GPC5: variants seen among roughly 807,000 people sequenced by gnomAD.
GPC5 encodes glypican-5.
GPC5 carries 47 observed loss-of-function variants against 53.9 expected under a neutral mutation model. That is an observed-to-expected ratio of 0.87 (90% confidence interval 0.69 to 1.11). The LOEUF is 1.11. Ranked by LOEUF, GPC5 falls within the 50% of genes most tolerant of loss-of-function variation. The pLI, the probability that GPC5 is intolerant of heterozygous loss-of-function variation, is 0.00. For missense variants in GPC5, 748 were observed against 713.1 expected (o/e 1.05, Z -0.56); for synonymous variants, 286 against 263.3 (o/e 1.09, Z -0.84).
chr13:91,583,243 A>G (rs1398788302), intron 2 of GPC5, among the ~76,000 whole-genome samples: 1 of 152,172 alleles, frequency 6.6e-6, no homozygotes, highest in African/African-American at 2.4e-5. Flanking sequence ...AATAAAAGGA[A>G]TATAGTTGGA....
At chr13:91,450,556 G>A (rs567084998) in intron 2 of GPC5, among the ~76,000 whole-genome samples, 113 of 152,220 alleles carry the variant, frequency 7.4e-4, no homozygotes, top group African/African-American at 2.6e-3. Flanking sequence ...GATGGATTGA[G>A]GCTGGTGAAA....
chr13:91,516,678 C>T (rs1032143541), intron 2 of GPC5, among the ~76,000 whole-genome samples: 1 of 152,222 alleles, frequency 6.6e-6, no homozygotes, highest in African/African-American at 2.4e-5. Flanking sequence ...CCAACAGGGA[C>T]TCTGTGTGGG....
At chr13:92,312,599 A>G (rs2043152415) in intron 7 of GPC5, among the ~76,000 whole-genome samples, 1 of 152,074 alleles carries the variant, frequency 6.6e-6, no homozygotes, top group Non-Finnish European at 1.5e-5. Flanking sequence ...TAATAGTTGA[A>G]TGAAATCCAT....
chr13:92,602,249 T>C (rs1451339028), intron 7 of GPC5, among the ~76,000 whole-genome samples: 3 of 141,044 alleles, frequency 2.1e-5, no homozygotes, highest in Admixed American at 7.3e-5. Flanking sequence ...TATATATATA[T>C]ATATATATAT....
intron 7 of GPC5, among the ~76,000 whole-genome samples, chr13:92,629,402 T>A (rs1407363478): frequency 1.3e-5 from 2 of 152,290 alleles, no homozygotes; most frequent in East Asian, 3.9e-4. Context: ...TTGTCATCTC[T>A]GTCTGTATTG....
intron 7 of GPC5, among the ~76,000 whole-genome samples, chr13:92,410,902 A>C (rs1876012130): frequency 6.6e-6 from 1 of 152,240 alleles, no homozygotes; most frequent in African/African-American, 2.4e-5. Flanking sequence ...GAAAAGCTAC[A>C]ATTCTGACAG....
At chr13:92,098,037 A>G (rs1321463769) in intron 6 of GPC5, among the ~76,000 whole-genome samples, 1 of 151,978 alleles carries the variant, frequency 6.6e-6, no homozygotes, top group Non-Finnish European at 1.5e-5. Flanking sequence ...AGGTTCAGGG[A>G]TACATGTGCA....
At chr13:92,403,703 C>T (rs919766219) in intron 7 of GPC5, among the ~76,000 whole-genome samples, 1 of 152,122 alleles carries the variant, frequency 6.6e-6, no homozygotes, top group Non-Finnish European at 1.5e-5. Context: ...TATGGTTACA[C>T]GATAATTATT....
chr13:92,325,129 C>T (rs1594101439), intron 7 of GPC5, among the ~76,000 whole-genome samples: 1 of 150,910 alleles, frequency 6.6e-6, no homozygotes, highest in East Asian at 1.9e-4. Flanking sequence ...CACACACACA[C>T]ACGTAGGTAT....
intron 7 of GPC5, among the ~76,000 whole-genome samples, chr13:92,513,544 C>CCCTTTCCTTT (rs71737823): frequency 6.7e-6 from 1 of 148,606 alleles, no homozygotes; most frequent in African/African-American, 2.5e-5. Context: ...CCCTTTCTCT[C>CCCTTTCCTTT]CCTTTCCTTT....
chr13:91,468,867 T>C (rs565614004), intron 2 of GPC5, among the ~76,000 whole-genome samples: 1 of 142,354 alleles, frequency 7.0e-6, no homozygotes, highest in East Asian at 2.0e-4. Flanking sequence ...GTAGCTAAGA[T>C]AATGGTCTTT....
At chr13:92,299,716 C>A (rs934422695) in intron 7 of GPC5, among the ~76,000 whole-genome samples, 2 of 152,162 alleles carry the variant, frequency 1.3e-5, no homozygotes, top group East Asian at 3.9e-4. Flanking sequence ...TTCTTGTAAC[C>A]ATGTGTTGTC....
At chr13:92,578,663 A>G (rs1007671200) in intron 7 of GPC5, among the ~76,000 whole-genome samples, 2 of 152,150 alleles carry the variant, frequency 1.3e-5, no homozygotes, top group African/African-American at 4.8e-5. Context: ...TAGTTCCTAC[A>G]TGGATTGGTA....
intron 7 of GPC5, among the ~76,000 whole-genome samples, chr13:92,157,210 A>G (rs908743524): frequency 2.6e-5 from 4 of 152,190 alleles, no homozygotes; most frequent in Non-Finnish European, 5.9e-5. Context: ...CTTTGTGTAT[A>G]TGAAAGAAAT....
chr13:91,416,981 A>G (rs988022512), intron 1 of GPC5, among the ~76,000 whole-genome samples: 1 of 152,072 alleles, frequency 6.6e-6, no homozygotes, highest in African/African-American at 2.4e-5. Context: ...CCCTTGAAAC[A>G]TTTTTTACTT....
At chr13:92,277,781 C>T (rs1806738932) in intron 7 of GPC5, among the ~76,000 whole-genome samples, 2 of 151,836 alleles carry the variant, frequency 1.3e-5, no homozygotes, top group Admixed American at 1.3e-4. Flanking sequence ...ACAAGTTCTA[C>T]ATTAATATGT....
rs188206473 is a variant in GPC5, at chr13:92,415,503, C to T, written c.1561+270514C>T. On this transcript the variant is annotated intron_variant, in intron 7 of 7. Transcript: ENST00000377067. ...CCTTCTATGACTGGATCCATGAATT[C>T]ACTCTTGACTGAGAATCAACACTGG... 4.7e-3 allele frequency among the ~76,000 whole-genome samples: 711 copies of T among 152,150 alleles called. 3 individuals are homozygous for T. The highest frequency in any genetic ancestry group is 0.01 in the Admixed American group (159 of 15,280).
intron 7 of GPC5, among the ~76,000 whole-genome samples, chr13:92,581,172 T>C (rs1883355829): frequency 6.6e-6 from 1 of 152,160 alleles, no homozygotes. Context: ...CTCTTGAACT[T>C]ACTTCCCCTG....
chr13:92,321,253 C>A (rs1019546914), intron 7 of GPC5, among the ~76,000 whole-genome samples: 1 of 152,158 alleles, frequency 6.6e-6, no homozygotes. Flanking sequence ...AACACAAAAA[C>A]TTTGAAATAC....
Sources: allele counts gnomAD v4.1 joint callset (sites outside exome capture counted in the v4.1 genomes callset), GRCh38; gene constraint gnomAD v4.1.1; transcripts MANE v1.5; gene names NCBI Gene and HGNC (gene_info 2026-07-23, HGNC 2026-07-21).